Variants in GPC5 observed in about 807,000 individuals in gnomAD.
The protein encoded by GPC5 is glypican-5.
Under a neutral mutation model 53.9 loss-of-function variants are expected in GPC5, and 47 were observed. The ratio of observed to expected loss-of-function variants is 0.87; its 90% CI spans 0.69 to 1.11. GPC5 has a LOEUF of 1.11. Ranked by LOEUF, GPC5 falls within the 50% of genes most tolerant of loss-of-function variation. GPC5 has a pLI of 0.00. For missense variants in GPC5, 748 were observed against 713.1 expected, an observed-to-expected ratio of 1.05 and a Z score of -0.56; for synonymous variants, 286 against 263.3, an observed-to-expected ratio of 1.09 and a Z score of -0.84.
chr13:91,573,119 G>A (rs1481944516), intron 2 of GPC5, among the ~76,000 whole-genome samples: 1 of 152,140 alleles, frequency 6.6e-6, no homozygotes, highest in African/African-American at 2.4e-5. Flanking sequence ...CCAGGTTGCT[G>A]TAACGAGTTG....
At chr13:92,214,602 T>C (rs1234458072) in intron 7 of GPC5, among the ~76,000 whole-genome samples, 1 of 152,186 alleles carries the variant, frequency 6.6e-6, no homozygotes, top group Non-Finnish European at 1.5e-5. Flanking sequence ...TTTGCCTAAG[T>C]GGTTCAAAAG....
chr13:91,750,774 G>A (rs1024569227), intron 4 of GPC5, among the ~76,000 whole-genome samples: 2 of 133,694 alleles, frequency 1.5e-5, no homozygotes, highest in East Asian at 2.4e-4. Context: ...TCTGCCTCCC[G>A]GCCTCAGCCT....
At chr13:91,896,984 G>A (rs2039448400) in intron 5 of GPC5, among the ~76,000 whole-genome samples, 1 of 152,142 alleles carries the variant, frequency 6.6e-6, no homozygotes, top group African/African-American at 2.4e-5. Context: ...GGCAAGAACA[G>A]GAATCCCAGT....
At chr13:92,334,309 C>T (rs1387632171) in intron 7 of GPC5, among the ~76,000 whole-genome samples, 1 of 152,092 alleles carries the variant, frequency 6.6e-6, no homozygotes, top group Non-Finnish European at 1.5e-5. Context: ...CTTTATAAAA[C>T]CATCAAGTCG....
At chr13:92,254,348 T>C (rs780302107) in intron 7 of GPC5, among the ~76,000 whole-genome samples, 2 of 152,182 alleles carry the variant, frequency 1.3e-5, no homozygotes, top group African/African-American at 4.8e-5. Context: ...GGAAACCTCT[T>C]TGAAGAATCT....
intron 7 of GPC5, among the ~76,000 whole-genome samples, chr13:92,647,196 A>G (rs772435736): frequency 9.9e-5 from 15 of 152,042 alleles, no homozygotes; most frequent in Non-Finnish European, 2.9e-5. Context: ...CTTGTTTTCA[A>G]CCTTAGGGGA....
intron 6 of GPC5, among the ~76,000 whole-genome samples, chr13:91,985,670 C>T (rs768612690): frequency 6.6e-6 from 1 of 152,074 alleles, no homozygotes; most frequent in Non-Finnish European, 1.5e-5. Context: ...TTTAAGATAG[C>T]ACTTTTATTA....
At chr13:92,021,315 C>T (rs2040756246) in intron 6 of GPC5, among the ~76,000 whole-genome samples, 1 of 152,142 alleles carries the variant, frequency 6.6e-6, no homozygotes, top group South Asian at 2.1e-4. Context: ...GGAAATTCTA[C>T]AATACGTGAC....
chr13:92,053,983 G>C (rs1291578020), intron 6 of GPC5, among the ~76,000 whole-genome samples: 1 of 151,742 alleles, frequency 6.6e-6, no homozygotes, highest in African/African-American at 2.4e-5. Context: ...GATGAGCTGA[G>C]ATCGCGCCAC....
intron 2 of GPC5, among the ~76,000 whole-genome samples, chr13:91,672,269 A>G (rs2035267806): frequency 6.6e-6 from 1 of 152,342 alleles, no homozygotes; most frequent in South Asian, 2.1e-4. Context: ...GCTTCTGCAT[A>G]GCAAAAGAAA....
chr13:91,966,544 A>G (rs569334920), intron 6 of GPC5, among the ~76,000 whole-genome samples: 1 of 152,206 alleles, frequency 6.6e-6, no homozygotes, highest in African/African-American at 2.4e-5. Flanking sequence ...TATCATGTTT[A>G]TGTGTAGGAT....
At chr13:91,879,308 C>T (rs530178451) in intron 5 of GPC5, among the ~76,000 whole-genome samples, 11 of 152,136 alleles carry the variant, frequency 7.2e-5, no homozygotes, top group African/African-American at 2.4e-4. Context: ...TATTTTTAGT[C>T]ATTTTAGTAA....
At chr13:92,354,449 A>C (rs2139272400) in intron 7 of GPC5, among the ~76,000 whole-genome samples, 1 of 152,344 alleles carries the variant, frequency 6.6e-6, no homozygotes, top group South Asian at 2.1e-4. Context: ...CAACAGTAGT[A>C]ATGAGACAAA....
intron 7 of GPC5, among the ~76,000 whole-genome samples, chr13:92,235,538 C>A (rs927873030): frequency 6.6e-6 from 1 of 151,982 alleles, no homozygotes; most frequent in Admixed American, 6.6e-5. Flanking sequence ...AGTTGGATTT[C>A]GTAAATTTAA....
At chr13:92,135,623 C>A (rs1299773430) in intron 6 of GPC5, among the ~76,000 whole-genome samples, 1 of 152,084 alleles carries the variant, frequency 6.6e-6, no homozygotes. Flanking sequence ...AGTATTAGAG[C>A]CAAGAGAGTG....
intron 1 of GPC5, among the ~76,000 whole-genome samples, chr13:91,441,336 A>G (rs959518172): frequency 4.6e-5 from 7 of 152,198 alleles, no homozygotes; most frequent in African/African-American, 1.2e-4. Flanking sequence ...TCATTTAAGT[A>G]TAAAGTTCCT....
intron 7 of GPC5, among the ~76,000 whole-genome samples, chr13:92,724,913 A>AC (rs1566386562): frequency 5.1e-4 from 45 of 88,964 alleles, no homozygotes; most frequent in African/African-American, 6.8e-4. Flanking sequence ...CACACACACA[A>AC]GAAAGAAAAA....
intron 5 of GPC5, among the ~76,000 whole-genome samples, chr13:91,866,688 G>A (rs541132721): frequency 9.9e-5 from 15 of 152,106 alleles, no homozygotes; most frequent in African/African-American, 2.4e-4. Flanking sequence ...TAAATTACCC[G>A]GTCCCAGGTA....
intron 2 of GPC5, among the ~76,000 whole-genome samples, chr13:91,487,768 A>G (rs1883697944): frequency 6.6e-6 from 1 of 152,204 alleles, no homozygotes; most frequent in African/African-American, 2.4e-5. Context: ...TATGTCAGAT[A>G]AAGCTTGTCT....
Sources: gnomAD v4.1 joint callset for allele counts (sites outside exome capture counted in the v4.1 genomes callset) on GRCh38, gnomAD v4.1.1 for gene constraint, MANE v1.5 for transcripts, NCBI Gene and HGNC (gene_info 2026-07-23, HGNC 2026-07-21) for gene names.